RELL1: variants seen among roughly 807,000 people sequenced by gnomAD.
RELL1 encodes RELT like 1, also known as RELT-like protein 1.
In RELL1, 10 loss-of-function variants were observed where a neutral mutation model predicts 23.0. The ratio of observed to expected loss-of-function variants is 0.43; its 90% CI spans 0.27 to 0.74. The LOEUF (loss-of-function observed/expected upper bound fraction) is 0.74, where lower values mean the gene tolerates loss of function less well. RELL1 is among the 30% of genes least tolerant of loss of function. RELL1 has a pLI of 0.19. For missense variants in RELL1, 315 were observed against 364.4 expected, an observed-to-expected ratio of 0.86 and a Z score of 1.10; for synonymous variants, 146 against 146.8, an observed-to-expected ratio of 0.99 and a Z score of 0.04.
At chr4:37,597,495 CA>C (rs1377655575) in intron 6 of RELL1, among the ~76,000 whole-genome samples, 1 of 152,150 alleles carries the variant, frequency 6.6e-6, no homozygotes, top group African/African-American at 2.4e-5. Flanking sequence ...TTCCATTCTC[CA>C]AAATATTCCT....
exon 7 of RELL1, chr4:37,590,945 C>A: frequency 6.2e-7 from 1 of 1,613,988 alleles, no homozygotes; most frequent in Non-Finnish European, 8.5e-7. Flanking sequence ...GTGGCGGAGG[C>A]CCTTGCAGCT....
At chr4:37,621,174 C>A (rs536799025) in intron 6 of RELL1, among the ~76,000 whole-genome samples, 2 of 152,052 alleles carry the variant, frequency 1.3e-5, no homozygotes, top group Non-Finnish European at 2.9e-5. Flanking sequence ...TAAGAAAAAT[C>A]GGCCAGGCGC....
At chr4:37,596,466 C>T (rs185639457) in intron 6 of RELL1, among the ~76,000 whole-genome samples, 13 of 151,698 alleles carry the variant, frequency 8.6e-5, no homozygotes, top group Admixed American at 7.9e-4. Context: ...TTATCTTGCA[C>T]CAGTTATCAG....
At chr4:37,616,646 C>T (rs534933974) in intron 6 of RELL1, among the ~76,000 whole-genome samples, 4 of 152,228 alleles carry the variant, frequency 2.6e-5, no homozygotes, top group South Asian at 2.1e-4. Context: ...ACCACACAGT[C>T]GGATTAATAA....
chr4:37,684,232 C>G (rs1722324049), intron 1 of RELL1, among the ~76,000 whole-genome samples: 1 of 152,110 alleles, frequency 6.6e-6, no homozygotes, highest in Admixed American at 6.5e-5. Flanking sequence ...GCAAGGGGAT[C>G]AGATGTTGGC....
At chr4:37,647,286 A>T in intron 3 of RELL1, 82 bp downstream of exon 3, 1 of 895,804 alleles carries the variant, frequency 1.1e-6, no homozygotes, top group Non-Finnish European at 1.8e-6. Context: ...AAGAGAGTCT[A>T]TATAAATCTT....
chr4:37,668,554 C>G (rs1721628139), intron 1 of RELL1, among the ~76,000 whole-genome samples: 1 of 152,080 alleles, frequency 6.6e-6, no homozygotes, highest in South Asian at 2.1e-4. Context: ...GTGGCGTGAT[C>G]TCGGCTCGCT....
intron 6 of RELL1, among the ~76,000 whole-genome samples, chr4:37,603,965 C>T (rs892228266): frequency 1.3e-5 from 2 of 152,162 alleles, no homozygotes; most frequent in African/African-American, 2.4e-5. Flanking sequence ...ACTGCAGGCA[C>T]GGGCCATCAT....
chr4:37,592,208 CAAAAAA>C (rs34307749), intron 6 of RELL1, among the ~76,000 whole-genome samples: 2 of 93,370 alleles, frequency 2.1e-5, no homozygotes, highest in Admixed American at 1.2e-4. Context: ...GACTCCATCT[CAAAAAA>C]AAAAAAAAAA....
chr4:37,606,197 G>GGAAA (rs1719217687), downstream of RELL1, among the ~76,000 whole-genome samples: 1 of 150,236 alleles, frequency 6.7e-6, no homozygotes, highest in South Asian at 2.1e-4. This position sits in a 1 kb window ranked among gnomAD's most constrained non-coding sequence, Gnocchi z 4.1. Context: ...GAAAGAGAAA[G>GGAAA]AAGAAAGAAA....
chr4:37,590,300 G>A, downstream of RELL1: 1 of 1,613,992 alleles, frequency 6.2e-7, no homozygotes. Context: ...CCTCACCAAG[G>A]GCCGCTCCCA....
intron 1 of RELL1, among the ~76,000 whole-genome samples, chr4:37,663,176 T>C (rs13435025): frequency 0.22 from 33,364 of 152,022 alleles, 3,851 homozygotes; most frequent in African/African-American, 0.26. Context: ...TTTCCTGTTC[T>C]CCAGCCCCTC....
At chr4:37,676,279 A>G (rs1226022748) in intron 1 of RELL1, among the ~76,000 whole-genome samples, 1 of 152,132 alleles carries the variant, frequency 6.6e-6, no homozygotes, top group East Asian at 1.9e-4. Flanking sequence ...TGTTCACATC[A>G]CTTCATTCTC....
At chr4:37,645,672 C>T (rs1720687561) in intron 3 of RELL1, among the ~76,000 whole-genome samples, 1 of 152,144 alleles carries the variant, frequency 6.6e-6, no homozygotes, top group African/African-American at 2.4e-5. Flanking sequence ...TGCTCACTAA[C>T]CATGTGAATT....
intron 6 of RELL1, among the ~76,000 whole-genome samples, chr4:37,626,023 T>A (rs999460818): frequency 6.6e-6 from 1 of 152,000 alleles, no homozygotes; most frequent in African/African-American, 2.4e-5. Flanking sequence ...CATGGAAATA[T>A]AAATTAAAAC....
chr4:37,639,700 G>T (rs1416808153), intron 3 of RELL1, among the ~76,000 whole-genome samples: 1 of 152,176 alleles, frequency 6.6e-6, no homozygotes, highest in Admixed American at 6.5e-5. Context: ...GTTATTACTG[G>T]CTTGTAACCT....
At chr4:37,673,792 A>AT (rs1721925171) in intron 1 of RELL1, among the ~76,000 whole-genome samples, 1 of 152,154 alleles carries the variant, frequency 6.6e-6, no homozygotes, top group Admixed American at 6.5e-5. Flanking sequence ...ATGGAAATGC[A>AT]TGGGGGCCTC....
Position 37,601,641 on chromosome 4 carries a change from C to G in RELL1, c.*4-10424G>C, listed in dbSNP as rs73807843. 5.2e-3 allele frequency among the ~76,000 whole-genome samples: 795 copies of G among 152,322 alleles called. 9 individuals are homozygous for G. The highest frequency in any genetic ancestry group is 0.019 in the African/African-American group (772 of 41,568). On this transcript the variant is annotated intron_variant, in intron 6 of 6. Transcript: ENST00000314117. ...TTGCAAAAGCATTTCACAACAGAAA[C>G]CGCACCATGGCCAGGCCTTCTGGCG...
exon 7 of RELL1, chr4:37,590,815 T>C: frequency 6.2e-7 from 1 of 1,614,206 alleles, no homozygotes; most frequent in South Asian, 1.1e-5. Flanking sequence ...TCTAAGCATC[T>C]GCTTTAATGA....
Sources: gnomAD v4.1 joint callset for allele counts (sites outside exome capture counted in the v4.1 genomes callset) on GRCh38, gnomAD v4.1.1 for gene constraint, Gnocchi (gnomAD v3.1) non-coding constraint, MANE v1.5 for transcripts, NCBI Gene and HGNC (gene_info 2026-07-23, HGNC 2026-07-21) for gene names.